The following FYB1 variants were observed in gnomAD, a reference collection of about 807,000 sequenced individuals.
The protein encoded by FYB1 is FYN binding protein 1.
Under a neutral mutation model 94.1 loss-of-function variants are expected in FYB1, and 41 were observed. The observed-to-expected ratio is 0.44, with a 90% CI of 0.34 to 0.57. The LOEUF (loss-of-function observed/expected upper bound fraction) is 0.57, where lower values mean the gene tolerates loss of function less well. Among genes scored for constraint, FYB1 ranks in the 20% least tolerant of loss-of-function variants. The pLI, the probability that FYB1 is intolerant of heterozygous loss-of-function variation, is 0.02. For synonymous variants in FYB1, 367 were observed against 353.2 expected, an observed-to-expected ratio of 1.04 and a Z score of -0.44; for missense variants, 1,050 against 976.8, an observed-to-expected ratio of 1.07 and a Z score of -1.00.
intron 1 of FYB1, among the ~76,000 whole-genome samples, chr5:39,237,441 G>T (rs1455740700): frequency 6.6e-6 from 1 of 152,002 alleles, no homozygotes; most frequent in African/African-American, 2.4e-5. Context: ...CTAAGGCCTT[G>T]GGGGCTGTGG....
upstream of FYB1, among the ~76,000 whole-genome samples, chr5:39,223,888 C>A (rs1750368249): frequency 6.6e-6 from 1 of 152,074 alleles, no homozygotes; most frequent in Non-Finnish European, 1.5e-5. Context: ...ATACCCCAGC[C>A]CAAATTTTCT....
At chr5:39,268,098 T>C (rs1321034818) in intron 1 of FYB1, among the ~76,000 whole-genome samples, 2 of 152,206 alleles carry the variant, frequency 1.3e-5, no homozygotes, top group African/African-American at 4.8e-5. Context: ...ATATAACACT[T>C]ATAAAATTAC....
chr5:39,192,211 A>G (rs1157404104), intron 2 of FYB1, among the ~76,000 whole-genome samples: 3 of 152,230 alleles, frequency 2.0e-5, no homozygotes, highest in African/African-American at 4.8e-5. Context: ...ATCGAAAGGA[A>G]GTCAGAAAGA....
intron 1 of FYB1, among the ~76,000 whole-genome samples, chr5:39,263,405 C>A (rs1348701604): frequency 6.6e-6 from 1 of 151,880 alleles, no homozygotes; most frequent in East Asian, 1.9e-4. Flanking sequence ...TGGGATAGAT[C>A]TTGCTGCAGA....
intron 1 of FYB1, chr5:39,270,594 G>A (rs892230588): frequency 6.5e-6 from 10 of 1,534,546 alleles, no homozygotes; most frequent in Admixed American, 2.0e-5. Context: ...GAGTTGATAT[G>A]CCTGGCACAC....
chr5:39,260,841 C>T (rs897631025), intron 1 of FYB1, among the ~76,000 whole-genome samples: 1 of 152,000 alleles, frequency 6.6e-6, no homozygotes, highest in Non-Finnish European at 1.5e-5. Flanking sequence ...GATTATACAT[C>T]CTCATAAATT....
intron 1 of FYB1, among the ~76,000 whole-genome samples, chr5:39,249,751 A>G (rs1167684330): frequency 6.6e-6 from 1 of 152,208 alleles, no homozygotes; most frequent in Non-Finnish European, 1.5e-5. Context: ...AAGGTGAGGG[A>G]TGCACTCAGC....
At chr5:39,250,345 C>A (rs533162559) in intron 1 of FYB1, among the ~76,000 whole-genome samples, 25 of 152,178 alleles carry the variant, frequency 1.6e-4, no homozygotes, top group Admixed American at 1.0e-3. Flanking sequence ...CTGAAAAGGA[C>A]TTGTTAGAGA....
intron 1 of FYB1, among the ~76,000 whole-genome samples, chr5:39,244,805 C>T (rs1342052889): frequency 3.9e-5 from 6 of 152,118 alleles, no homozygotes; most frequent in Admixed American, 2.6e-4. Context: ...TTAATTATTG[C>T]CTCAATTTCA....
intron 2 of FYB1, among the ~76,000 whole-genome samples, chr5:39,191,838 A>G (rs1425499154): frequency 6.6e-6 from 1 of 152,216 alleles, no homozygotes; most frequent in African/African-American, 2.4e-5. Flanking sequence ...GTATTTTTGT[A>G]AAAATAGATA....
intron 1 of FYB1, among the ~76,000 whole-genome samples, chr5:39,269,201 C>T (rs1347984824): frequency 6.6e-6 from 1 of 152,206 alleles, no homozygotes; most frequent in African/African-American, 2.4e-5. Context: ...AGGCACCCAC[C>T]ACGATGCCCA....
At chr5:39,272,402 T>C (rs1752690585) in intron 1 of FYB1, among the ~76,000 whole-genome samples, 1 of 151,960 alleles carries the variant, frequency 6.6e-6, no homozygotes, top group African/African-American at 2.4e-5. Context: ...CGGTGGCTCA[T>C]GCCTGTAATC....
At chr5:39,182,716 T>C (rs1034281399) in intron 2 of FYB1, among the ~76,000 whole-genome samples, 1 of 152,210 alleles carries the variant, frequency 6.6e-6, no homozygotes, top group Non-Finnish European at 1.5e-5. Flanking sequence ...CAAATATATT[T>C]AGTAGAATAA....
chr5:39,154,237 T>C (rs545635989), intron 2 of FYB1, among the ~76,000 whole-genome samples: 53 of 152,234 alleles, frequency 3.5e-4, no homozygotes, highest in Non-Finnish European at 6.5e-4. Flanking sequence ...TGCTAAATAG[T>C]GACTAGAATC....
chr5:39,139,159 T>C (rs900716105), intron 5 of FYB1, 74 bp downstream of exon 5: 1 of 1,322,234 alleles, frequency 7.6e-7, no homozygotes, highest in Non-Finnish European at 1.0e-6. Context: ...TTTGTACCAA[T>C]ACGGAGTGAA....
chr5:39,250,225 C>T (rs558779710), intron 1 of FYB1, among the ~76,000 whole-genome samples: 1 of 152,254 alleles, frequency 6.6e-6, no homozygotes, highest in East Asian at 1.9e-4. Flanking sequence ...AATACAGGAG[C>T]TAAAGTCTTG....
intron 1 of FYB1, among the ~76,000 whole-genome samples, chr5:39,239,266 C>G (rs1751103361): frequency 6.6e-6 from 1 of 152,052 alleles, no homozygotes; most frequent in African/African-American, 2.4e-5. Flanking sequence ...AAAGTATTTT[C>G]ACTCTCACCA....
chr5:39,139,131 G>C, intron 5 of FYB1, 102 bp downstream of exon 5: 1 of 1,172,778 alleles, frequency 8.5e-7, no homozygotes, highest in South Asian at 1.7e-5. Flanking sequence ...TTGCTCATAA[G>C]GATTTTCATT....
intron 2 of FYB1, among the ~76,000 whole-genome samples, chr5:39,185,448 C>A (rs908045677): frequency 4.6e-5 from 7 of 150,574 alleles, no homozygotes; most frequent in Non-Finnish European, 1.0e-4. Context: ...AGATGGTAGG[C>A]TGAGCTTCAT....
Sources: gnomAD v4.1 joint callset for allele counts (sites outside exome capture counted in the v4.1 genomes callset) on GRCh38, gnomAD v4.1.1 for gene constraint, MANE v1.5 for transcripts, NCBI Gene and HGNC (gene_info 2026-07-23, HGNC 2026-07-21) for gene names.